Variants in RNF216 observed in about 807,000 individuals in gnomAD.
RNF216 encodes ring finger protein 216.
A neutral mutation model predicts 110.8 loss-of-function variants in RNF216; 72 were observed. The ratio of observed to expected loss-of-function variants is 0.65; its 90% CI spans 0.54 to 0.79. RNF216 has a LOEUF of 0.79. RNF216 is among the 30% of genes least tolerant of loss of function. The probability of loss-of-function intolerance (pLI) is 0.00; values close to 1 mark genes in which losing one functional copy is unlikely to be tolerated. For missense variants in RNF216, 1,342 were observed against 1,141.2 expected (o/e 1.18, Z -2.54); for synonymous variants, 495 against 407.5 (o/e 1.21, Z -2.59).
intron 2 of RNF216, chr7:5,760,446 G>T (rs1481168342): frequency 2.6e-6 from 1 of 388,498 alleles, no homozygotes; most frequent in Non-Finnish European, 5.3e-6. Flanking sequence ...AACCCAGGAG[G>T]CGGAGCTCGT....
At chr7:5,719,936 T>C (rs73341604) in intron 9 of RNF216, among the ~76,000 whole-genome samples, 7,119 of 152,314 alleles carry the variant, frequency 0.047, 248 homozygotes, top group African/African-American at 0.077. Flanking sequence ...CTTCATTTTA[T>C]TACACAGAAT....
chr7:5,624,690 G>A lies in RNF216; in HGVS notation c.2383-565C>T, dbSNP rs1021637394. Among the ~76,000 whole-genome samples the A allele has an allele frequency of 5.3e-5, 8 of 152,226 alleles. No homozygotes were observed. The highest frequency in any genetic ancestry group is 1.7e-4 in the African/African-American group (7 of 41,470). ...AGGATGGTCCCCCTCGGACCTTGCC[G>A]TCTCTTCTCCCAAACCCCATGCTTG... On this transcript the variant is annotated intron_variant, in intron 15 of 16. Coordinates refer to ENST00000389902, the MANE Select transcript of RNF216 (RefSeq NM_207111.4). The surrounding 1 kb of genome is among the most constrained non-coding windows in gnomAD (Gnocchi z 4.4).
intron 1 of RNF216, among the ~76,000 whole-genome samples, chr7:5,767,352 A>G (rs184257711): frequency 6.6e-6 from 1 of 152,282 alleles, no homozygotes; most frequent in East Asian, 1.9e-4. Context: ...CAGAAGCAGC[A>G]ATTTCAATGG....
At chr7:5,691,035 G>A (rs1562395513) in intron 13 of RNF216, among the ~76,000 whole-genome samples, 1 of 152,130 alleles carries the variant, frequency 6.6e-6, no homozygotes, top group Non-Finnish European at 1.5e-5. Context: ...TCTGCCTGTC[G>A]TCTCTTCCCA....
intron 13 of RNF216, among the ~76,000 whole-genome samples, chr7:5,709,486 C>A (rs772273691): frequency 6.6e-6 from 1 of 152,226 alleles, no homozygotes; most frequent in African/African-American, 2.4e-5. Flanking sequence ...GCTTTCTCTT[C>A]TGTCATCTTG....
chr7:5,739,421 G>A, intron 4 of RNF216, 69 bp from the exon 5 acceptor site: 1 of 1,455,156 alleles, frequency 6.9e-7, no homozygotes, highest in Non-Finnish European at 9.5e-7. Context: ...ATACAAGACA[G>A]ATGGCAAAAA....
chr7:5,640,667 T>C (rs1392709646), intron 15 of RNF216, among the ~76,000 whole-genome samples: 2 of 152,162 alleles, frequency 1.3e-5, no homozygotes, highest in Non-Finnish European at 2.9e-5. Flanking sequence ...TTTACGTTAA[T>C]AGAATTGTTA....
chr7:5,744,740 A>G (rs1043510422), intron 3 of RNF216, among the ~76,000 whole-genome samples: 1 of 152,230 alleles, frequency 6.6e-6, no homozygotes, highest in Non-Finnish European at 1.5e-5. Context: ...TGGGAGCCTG[A>G]GGCAGATGGA....
intron 1 of RNF216, chr7:5,777,745 T>C (rs1473103396): frequency 6.6e-6 from 1 of 152,234 alleles, no homozygotes; most frequent in Non-Finnish European, 1.5e-5. Flanking sequence ...GATATAAATA[T>C]GCAAACAATT....
At position 5,729,495 on chromosome 7, in the gene RNF216, G is replaced by A. The variant is rs1417384107; in HGVS notation, c.1326C>T (p.Leu442=). The change falls in exon 7 of 17, where the codon CTC becomes CTT. Residue 442 remains leucine, a synonymous_variant. Transcript: ENST00000389902. ...GGGCCCACTTGATGTCCTGACTACT[G>A]AGCACTTTGAAGTCGGCCATGAGGA... ...ADLLMADFKV[L]SSQDIKWALH... is the part of the protein sequence containing the mutation. 18 of 1,614,148 alleles carry A rather than the reference G, an allele frequency of 1.1e-5. No individual in the cohort carries two copies. The highest frequency in any genetic ancestry group is 4.5e-5 in the East Asian group (2 of 44,886).
chr7:5,740,141 T>G (rs972416756), intron 4 of RNF216, among the ~76,000 whole-genome samples: 7 of 63,520 alleles, frequency 1.1e-4, no homozygotes, highest in Non-Finnish European at 1.3e-4. Flanking sequence ...TTTTTTTTTT[T>G]TGTGAGATAG....
intron 15 of RNF216, among the ~76,000 whole-genome samples, chr7:5,639,645 G>A (rs577559434): frequency 4.5e-4 from 68 of 151,820 alleles, no homozygotes; most frequent in Non-Finnish European, 9.0e-4. Flanking sequence ...ATTTTTATTA[G>A]AGACAGGTTT....
chr7:5,700,988 T>A (rs919105822), intron 13 of RNF216, among the ~76,000 whole-genome samples: 1 of 152,174 alleles, frequency 6.6e-6, no homozygotes, highest in Admixed American at 6.5e-5. Context: ...TTCTTCTGAA[T>A]GTCATCCCTG....
chr7:5,688,880 C>G (rs1791150652), intron 13 of RNF216, among the ~76,000 whole-genome samples: 1 of 152,172 alleles, frequency 6.6e-6, no homozygotes, highest in Admixed American at 6.5e-5. Context: ...CATTACTGTG[C>G]AAAGCACTGT....
intron 1 of RNF216, among the ~76,000 whole-genome samples, chr7:5,776,467 C>A (rs1365937826): frequency 1.3e-5 from 2 of 150,136 alleles, no homozygotes; most frequent in Non-Finnish European, 3.0e-5. Context: ...TGGTGGCGGG[C>A]GCCTGTAGTC....
Position 5,769,343 on chromosome 7 carries a change from C to G in RNF216, c.-69-8205G>C, listed in dbSNP as rs1051025621. On this transcript the variant is annotated intron_variant, in intron 1 of 16. Transcript: ENST00000389902. ...ATGTTGGCCAGGATGGTCTCAATCTCTTGACCCTGTGATCTGCTGGCCTTG... is the reference window on the plus strand; with the variant it reads ...ATGTTGGCCAGGATGGTCTCAATCTGTTGACCCTGTGATCTGCTGGCCTTG... Among the ~76,000 whole-genome samples the G allele has an allele frequency of 2.0e-5, 3 of 152,158 alleles. 1 individual carries two copies.
intron 1 of RNF216, among the ~76,000 whole-genome samples, chr7:5,762,033 T>C (rs774450331): frequency 6.6e-6 from 1 of 152,006 alleles, no homozygotes; most frequent in African/African-American, 2.4e-5. Flanking sequence ...TAATAGAATA[T>C]ACGGACAGGG....
chr7:5,768,990 G>A (rs772808384), intron 1 of RNF216, among the ~76,000 whole-genome samples: 5 of 151,878 alleles, frequency 3.3e-5, no homozygotes, highest in South Asian at 2.1e-4. Flanking sequence ...ACACATTAAC[G>A]AAGAAATTAC....
intron 1 of RNF216, among the ~76,000 whole-genome samples, chr7:5,770,722 A>AC: frequency 6.6e-6 from 1 of 152,298 alleles, no homozygotes; most frequent in East Asian, 1.9e-4. Context: ...ATATTGTATT[A>AC]CTATTAAGTT....
Sources: allele counts gnomAD v4.1 joint callset (sites outside exome capture counted in the v4.1 genomes callset), GRCh38; gene constraint gnomAD v4.1.1; non-coding constraint Gnocchi (gnomAD v3.1); transcripts MANE v1.5; gene names NCBI Gene and HGNC (gene_info 2026-07-23, HGNC 2026-07-21).